The following SLC26A7 variants were observed in gnomAD, a reference collection of about 807,000 sequenced individuals.
SLC26A7 encodes the protein anion exchange transporter.
SLC26A7 carries 59 observed loss-of-function variants against 82.5 expected under a neutral mutation model. That is an observed-to-expected ratio of 0.72 (90% CI 0.58 to 0.89). The LOEUF is 0.89. SLC26A7 is among the 40% of genes least tolerant of loss of function. SLC26A7 has a pLI of 0.00. For missense variants in SLC26A7, 820 were observed against 793.0 expected, an observed-to-expected ratio of 1.03 and a Z score of -0.41; for synonymous variants, 271 against 274.3, an observed-to-expected ratio of 0.99 and a Z score of 0.12.
intron 7 of SLC26A7, 49 bp downstream of exon 7, chr8:91,338,281 T>G (rs2130837129): frequency 1.4e-6 from 2 of 1,417,502 alleles, no homozygotes; most frequent in Non-Finnish European, 1.9e-6. Flanking sequence ...TTGTTTATTT[T>G]TGATGGAGAA....
At position 91,233,866 on chromosome 8, in the gene SLC26A7, A is replaced by T. The variant is rs193009349; in HGVS notation, c.-34+14861A>T. Among the ~76,000 whole-genome samples, 210 of 152,292 alleles carry T rather than the reference A, an allele frequency of 1.4e-3. 2 individuals carry two copies. The highest frequency in any genetic ancestry group is 5.3e-4 in the Non-Finnish European group (36 of 68,022). On this transcript the variant is annotated intron_variant, in intron 2 of 5. Coordinates refer to the SLC26A7 transcript ENST00000522862. Reference sequence around the variant, plus strand: ...TAGACATGCTATTTTTAGACATGTGAATGAGTTACTGTCTTCCAGCCCCCA... The same window carrying T: ...TAGACATGCTATTTTTAGACATGTGTATGAGTTACTGTCTTCCAGCCCCCA...
intron 14 of SLC26A7, 116 bp downstream of exon 14, chr8:91,366,833 T>C: frequency 8.6e-7 from 1 of 1,157,576 alleles, no homozygotes. Context: ...ACCTCTCCCT[T>C]CAGCAAAACC....
intron 9 of SLC26A7, among the ~76,000 whole-genome samples, chr8:91,345,931 G>A (rs566301077): frequency 1.3e-5 from 2 of 152,042 alleles, no homozygotes; most frequent in Non-Finnish European, 2.9e-5. Context: ...TTTTTCACTT[G>A]AGTTGGGTGT....
chr8:91,349,914 C>T (rs1375782875), intron 9 of SLC26A7, among the ~76,000 whole-genome samples: 1 of 152,164 alleles, frequency 6.6e-6, no homozygotes, highest in Admixed American at 6.6e-5. Context: ...TGCACTCTGA[C>T]ACCTACCTCG....
chr8:91,357,192 C>A (rs1813894805), intron 11 of SLC26A7: 1 of 152,146 alleles, frequency 6.6e-6, no homozygotes, highest in African/African-American at 2.4e-5. Flanking sequence ...CCCCTAAAAG[C>A]TCTTACCAGA....
At chr8:91,368,703 G>T (rs573304282) in intron 14 of SLC26A7, among the ~76,000 whole-genome samples, 48 of 152,194 alleles carry the variant, frequency 3.2e-4, no homozygotes, top group Middle Eastern at 6.8e-3. Flanking sequence ...GATTACAGGC[G>T]TGAGCCACCA....
At chr8:91,236,053 A>G (rs1810388711) in intron 2 of SLC26A7, among the ~76,000 whole-genome samples, 1 of 152,218 alleles carries the variant, frequency 6.6e-6, no homozygotes, top group Admixed American at 6.5e-5. Flanking sequence ...CCCTCAAGAC[A>G]GAAGCTAAAT....
chr8:91,343,335 C>T lies in SLC26A7; in HGVS notation c.1027-18C>T, dbSNP rs1299400535. 1 of 1,450,330 alleles carries T rather than the reference C, an allele frequency of 6.9e-7. No individual in the cohort carries two copies. The highest frequency in any genetic ancestry group is 1.2e-5 in the South Asian group (1 of 84,022). 89.8% of individuals were successfully genotyped at this position (1,450,330 alleles called of 1,614,324 possible). A position where few individuals can be genotyped will look rare whatever the true frequency, so the allele number is the denominator to read the frequency against. On this transcript the variant is annotated intron_variant, in intron 8 of 18. Transcript: ENST00000276609. ...TATTGTGATTAAGATATTATATATT[C>T]TCTCATGAATCTTGCAGGAATTTTT...
chr8:91,366,824 C>A, intron 14 of SLC26A7, 107 bp downstream of exon 14: 1 of 1,269,210 alleles, frequency 7.9e-7, no homozygotes, highest in Non-Finnish European at 1.1e-6. Context: ...TATTTCGAGA[C>A]CTCTCCCTTC....
At chr8:91,244,987 T>C (rs1255221264), upstream of SLC26A7, among the ~76,000 whole-genome samples, 1 of 152,332 alleles carries the variant, frequency 6.6e-6, no homozygotes, top group East Asian at 1.9e-4. Flanking sequence ...GCAATCATTG[T>C]TGAGAACATA....
intron 1 of SLC26A7, among the ~76,000 whole-genome samples, chr8:91,210,429 CA>C (rs1193013061): frequency 6.6e-6 from 1 of 152,040 alleles, no homozygotes; most frequent in Non-Finnish European, 1.5e-5. Flanking sequence ...ATATTTGAAA[CA>C]CTGTCATGTG....
At chr8:91,340,244 A>G (rs16912282) in intron 7 of SLC26A7, among the ~76,000 whole-genome samples, 160 bp from the exon 8 acceptor site, 4,303 of 152,240 alleles carry the variant, frequency 0.028, 58 homozygotes, top group African/African-American at 0.035. Context: ...AATAATGTTG[A>G]AAACGAAGGG....
intron 14 of SLC26A7, among the ~76,000 whole-genome samples, chr8:91,368,061 G>A (rs1814245822): frequency 6.6e-6 from 1 of 152,196 alleles, no homozygotes; most frequent in East Asian, 1.9e-4. Flanking sequence ...AGGATTTCAA[G>A]ATGGTGACAG....
chr8:91,362,101 G>T (rs1814066009), intron 11 of SLC26A7, among the ~76,000 whole-genome samples: 1 of 152,062 alleles, frequency 6.6e-6, no homozygotes, highest in Admixed American at 6.6e-5. Context: ...GTTTGTTGGG[G>T]ATTGAACTAA....
chr8:91,394,834 A>G (rs1808525026), intron 18 of SLC26A7: 6 of 830,724 alleles, frequency 7.2e-6, no homozygotes, highest in Non-Finnish European at 1.0e-5. Flanking sequence ...AAACAAGGAA[A>G]CTGACCAGGG....
intron 5 of SLC26A7, among the ~76,000 whole-genome samples, chr8:91,327,901 T>C (rs1020217371): frequency 2.0e-5 from 3 of 152,110 alleles, no homozygotes; most frequent in Non-Finnish European, 2.9e-5. Flanking sequence ...TTATGGATAA[T>C]TCAAAGATGT....
Position 91,210,034 on chromosome 8 carries a change from C to T in SLC26A7, c.-150+492C>T, listed in dbSNP as rs111286930. Among the ~76,000 whole-genome samples the T allele has an allele frequency of 4.2e-3, 636 of 152,224 alleles. 3 individuals are homozygous for T. The highest frequency in any genetic ancestry group is 0.014 in the African/African-American group (598 of 41,542). On this transcript the variant is annotated intron_variant, in intron 1 of 5. Coordinates refer to the SLC26A7 transcript ENST00000522862. ...TAAAATGTAACGTTAGAAGCATTGTCATAAAGCATTATATACCCATACTAT... is the reference window on the plus strand; with the variant it reads ...TAAAATGTAACGTTAGAAGCATTGTTATAAAGCATTATATACCCATACTAT...
At chr8:91,307,983 G>A (rs909080940) in intron 4 of SLC26A7, among the ~76,000 whole-genome samples, 2 of 152,036 alleles carry the variant, frequency 1.3e-5, no homozygotes, top group Non-Finnish European at 2.9e-5. Context: ...ATAAGCATGA[G>A]CCACCATGCC....
intron 2 of SLC26A7, among the ~76,000 whole-genome samples, chr8:91,235,220 A>T (rs1458992347): frequency 6.6e-6 from 1 of 152,210 alleles, no homozygotes; most frequent in East Asian, 1.9e-4. Flanking sequence ...CACCATGCCC[A>T]GCCCAAGTGC....
Sources: allele counts gnomAD v4.1 joint callset (sites outside exome capture counted in the v4.1 genomes callset), GRCh38; gene constraint gnomAD v4.1.1; transcripts MANE v1.5; gene names NCBI Gene and HGNC (gene_info 2026-07-23, HGNC 2026-07-21).